The following PEAK1 variants were observed in gnomAD, a reference collection of about 807,000 sequenced individuals.
PEAK1 encodes the protein pseudopodium enriched atypical kinase 1.
A neutral mutation model predicts 124.7 loss-of-function variants in PEAK1; 54 were observed. The observed-to-expected ratio is 0.43, with a 90% CI of 0.35 to 0.54. The LOEUF (loss-of-function observed/expected upper bound fraction) is 0.54, where lower values mean the gene tolerates loss of function less well. Among genes scored for constraint, PEAK1 ranks in the 20% least tolerant of loss-of-function variants. The probability of loss-of-function intolerance (pLI) is 0.01; values close to 1 mark genes in which losing one functional copy is unlikely to be tolerated. For synonymous variants in PEAK1, 719 were observed against 760.0 expected (o/e 0.95, Z 0.89); for missense variants, 2,046 against 2,134.5 (o/e 0.96, Z 0.82).
At position 77,335,547 on chromosome 15, in the gene PEAK1, A is replaced by G. The variant is rs2066147109; in HGVS notation, c.-603+29616T>C. ...CAGGTTGGATCACAGTGACATGATC[A>G]TAGCTCACTGCAGCCATGAAGTCTG... On this transcript the variant is annotated intron_variant, in intron 2 of 9. Coordinates refer to ENST00000682557, the MANE Select transcript of PEAK1 (RefSeq NM_001385026.1). The G allele has an allele frequency of 4.3e-6, 4 of 937,550 alleles. No individual in the cohort carries two copies. In the Admixed American group the frequency reaches 2.5e-4, roughly 58 times the overall value. The allele number at this position is 937,550 out of a possible 1,614,324, so 58.1% of individuals were successfully genotyped here.
chr15:77,370,909 A>T, intron 1 of PEAK1: 1 of 397,360 alleles, frequency 2.5e-6, no homozygotes, highest in Non-Finnish European at 3.4e-6. Context: ...CCACGCCTGT[A>T]GTCCCAGCTA....
intron 9 of PEAK1, among the ~76,000 whole-genome samples, chr15:77,125,092 C>T (rs1047002096): frequency 2.0e-5 from 3 of 152,100 alleles, no homozygotes; most frequent in Admixed American, 6.5e-5. Flanking sequence ...TAAACTACAA[C>T]AAATATCACA....
At chr15:77,282,101 G>A (rs767681250) in intron 5 of PEAK1, among the ~76,000 whole-genome samples, 4 of 152,096 alleles carry the variant, frequency 2.6e-5, no homozygotes, top group African/African-American at 9.7e-5. Context: ...TGGTCAAGAA[G>A]GAAGCTATAA....
Position 77,370,723 on chromosome 15 carries a change from T to C in PEAK1, c.-665-5498A>G, listed in dbSNP as rs1237254836. 3 of 985,090 alleles carry C rather than the reference T, an allele frequency of 3.0e-6. No homozygotes were observed. The African/African-American group carries it at 5.2e-5, about 17-fold the overall frequency. The allele number at this position is 985,090 out of a possible 1,614,324, so 61.0% of individuals were successfully genotyped here. On this transcript the variant is annotated intron_variant, in intron 1 of 9. Transcript: ENST00000682557. ...TTCTGCATATGTCTTCAGATAACTT[T>C]TGTGAACATAAAAATCCAACACATC...
At chr15:77,257,645 A>C (rs866504665) in intron 5 of PEAK1, among the ~76,000 whole-genome samples, 1,759 of 151,538 alleles carry the variant, frequency 0.012, 30 homozygotes, top group African/African-American at 0.039. Flanking sequence ...TCAGATGAGT[A>C]GGTTGCAAAA....
chr15:77,296,594 A>G (rs754889386), intron 2 of PEAK1, among the ~76,000 whole-genome samples: 1 of 151,734 alleles, frequency 6.6e-6, no homozygotes, highest in Admixed American at 6.6e-5. Flanking sequence ...AGCCTGGGCG[A>G]CAGAGTGAGA....
chr15:77,101,455 G>A (rs1171813570), exon 7 of PEAK1: 1 of 152,210 alleles, frequency 6.6e-6, no homozygotes, highest in African/African-American at 2.4e-5. Context: ...CCCACTCAGA[G>A]TTTGCCTTTT....
intron 2 of PEAK1, among the ~76,000 whole-genome samples, chr15:77,296,303 T>C (rs1454874808): frequency 6.7e-6 from 1 of 149,654 alleles, no homozygotes; most frequent in Non-Finnish European, 1.5e-5. Flanking sequence ...GTACATCTAA[T>C]ATGTATCAAT....
In PEAK1 at chr15:77,181,644, A is replaced by G. The variant is rs1036954067; in HGVS notation, c.283T>C (p.Cys95Arg). ...CCTATGATGACAGGTTTGTTCTCAC[A>G]GTGTTCTTGGATGCTAAGCTCACCA... Reference protein sequence around the residue: ...ICGELSIQEHCENKPVIIGWN... With the variant: ...ICGELSIQEHRENKPVIIGWN... The change falls in exon 7 of 10, where the codon TGT becomes CGT. Residue 95 changes from cysteine to arginine, a missense_variant. Physicochemically the swap from Cys to Arg is radical, Grantham distance 180. Transcript: ENST00000682557. The G allele has an allele frequency of 6.2e-7, 1 of 1,614,090 alleles. No individual in the cohort carries two copies. The highest frequency in any genetic ancestry group is 1.1e-5 in the South Asian group (1 of 91,066).
chr15:77,382,085 T>C (rs2141827251), intron 1 of PEAK1, among the ~76,000 whole-genome samples: 1 of 152,284 alleles, frequency 6.6e-6, no homozygotes, highest in African/African-American at 2.4e-5. Flanking sequence ...TCTCTCTCTT[T>C]CTCTCTCACT....
intron 2 of PEAK1, among the ~76,000 whole-genome samples, chr15:77,290,677 G>T (rs1388915984): frequency 1.3e-5 from 2 of 152,186 alleles, no homozygotes; most frequent in Middle Eastern, 3.4e-3. Flanking sequence ...AGCCTCTCTG[G>T]TAGCTGGGAC....
chr15:77,192,413 G>C (rs1280820678), intron 6 of PEAK1, among the ~76,000 whole-genome samples: 2 of 152,192 alleles, frequency 1.3e-5, no homozygotes, highest in African/African-American at 2.4e-5. Flanking sequence ...CCACAGGACT[G>C]TTCTCAAGAA....
intron 5 of PEAK1, among the ~76,000 whole-genome samples, chr15:77,261,677 A>G (rs1455747369): frequency 1.3e-5 from 2 of 152,228 alleles, no homozygotes; most frequent in Non-Finnish European, 2.9e-5. Flanking sequence ...CAACTTGGAA[A>G]ACACTCTGCA....
intron 5 of PEAK1, among the ~76,000 whole-genome samples, chr15:77,256,978 T>C (rs1258062912): frequency 6.7e-6 from 1 of 150,068 alleles, no homozygotes; most frequent in Non-Finnish European, 1.5e-5. Flanking sequence ...CATGCGGTGT[T>C]TGGTTTTTTG....
At chr15:77,389,166 CTGATCTCGAACTCCTGGGCTCAAAG>C (rs1389024630) in intron 1 of PEAK1, among the ~76,000 whole-genome samples, 25 of 152,188 alleles carry the variant, frequency 1.6e-4, no homozygotes, top group African/African-American at 4.8e-4. Context: ...ATTGCCTAGG[CTGATCTCGAACTCCTGGGCTCAAAG>C]TGATTCTCCT....
chr15:77,173,626 A>G (rs548361492), intron 7 of PEAK1, among the ~76,000 whole-genome samples: 1 of 152,028 alleles, frequency 6.6e-6, no homozygotes, highest in East Asian at 1.9e-4. Flanking sequence ...ACCCCACCTC[A>G]CCCAAAAGCC....
intron 2 of PEAK1, among the ~76,000 whole-genome samples, chr15:77,296,343 G>A (rs905871734): frequency 1.3e-5 from 2 of 151,756 alleles, no homozygotes; most frequent in Admixed American, 6.5e-5. Context: ...CAGGCGAGGT[G>A]GCTCACGCCG....
chr15:77,349,062 C>T (rs973753972), intron 2 of PEAK1: 11 of 799,808 alleles, frequency 1.4e-5, no homozygotes, highest in East Asian at 1.3e-4. Flanking sequence ...TTTTTTGAGG[C>T]GGAGTCTCAC....
intron 9 of PEAK1, among the ~76,000 whole-genome samples, chr15:77,131,836 G>T (rs1311420064): frequency 6.6e-6 from 1 of 152,048 alleles, no homozygotes. Flanking sequence ...CCAGCACTTT[G>T]GGAGGCCAAG....
Sources: allele counts gnomAD v4.1 joint callset (sites outside exome capture counted in the v4.1 genomes callset), GRCh38; gene constraint gnomAD v4.1.1; transcripts MANE v1.5; gene names NCBI Gene and HGNC (gene_info 2026-07-23, HGNC 2026-07-21).